Variants in CSPG5 observed in about 807,000 individuals in gnomAD.
The protein encoded by CSPG5 is acidic leucine-rich EGF-like domain-containing brain protein.
Under a neutral mutation model 39.8 loss-of-function variants are expected in CSPG5, and 25 were observed. The ratio of observed to expected loss-of-function variants is 0.63; its 90% CI spans 0.46 to 0.88. The LOEUF (loss-of-function observed/expected upper bound fraction) is 0.88, where lower values mean the gene tolerates loss of function less well. CSPG5 is among the 40% of genes least tolerant of loss of function. The probability of loss-of-function intolerance (pLI) is 0.00; values close to 1 mark genes in which losing one functional copy is unlikely to be tolerated. For missense variants in CSPG5, 627 were observed against 702.2 expected (o/e 0.89, Z 1.21); for synonymous variants, 295 against 303.9 (o/e 0.97, Z 0.31).
In CSPG5 at chr3:47,578,749, C is replaced by T; in HGVS notation, c.-56G>A. ...CGCCCGGCTGGCTGCGCCCTCGGCT[C>T]GCCCGGCCGCCGCGCCTCCCGCCGG... is the stretch of plus-strand genomic sequence containing the variant. On this transcript the variant is annotated 5_prime_UTR_variant, in exon 1 of 5. Transcript: ENST00000264723. This position sits in a 1 kb window ranked among gnomAD's most constrained non-coding sequence, Gnocchi z 6.0. The T allele has an allele frequency of 2.8e-6, 1 of 358,446 alleles. No individual in the cohort carries two copies. The highest frequency in any genetic ancestry group is 3.9e-6 in the Non-Finnish European group (1 of 258,960). 22.2% of individuals were successfully genotyped at this position (358,446 alleles called of 1,614,324 possible). A position where few individuals can be genotyped will look rare whatever the true frequency, so the allele number is the denominator to read the frequency against.
intron 2 of CSPG5, among the ~76,000 whole-genome samples, chr3:47,576,512 G>C (rs1337892614): frequency 6.6e-6 from 1 of 150,946 alleles, no homozygotes; most frequent in Non-Finnish European, 1.5e-5. Context: ...AGGCTGGAGG[G>C]CAGTGGCACG....
intron 4 of CSPG5, among the ~76,000 whole-genome samples, chr3:47,563,430 T>C (rs1157985442): frequency 6.6e-6 from 1 of 152,244 alleles, no homozygotes; most frequent in Admixed American, 6.5e-5. Context: ...CACATGATAT[T>C]CGTACTGCTG....
chr3:47,577,091 C>T lies in CSPG5; in HGVS notation c.935G>A (p.Gly312Glu). 1 of 1,613,798 alleles carries T rather than the reference C, an allele frequency of 6.2e-7. No individual in the cohort carries two copies. The highest frequency in any genetic ancestry group is 8.5e-7 in the Non-Finnish European group (1 of 1,180,024). ...VPTGKPGLGP[G>E]TGQPTSRWHA... Reference sequence around the variant, plus strand: ...CCACCGACTGGTGGGCTGGCCTGTCCCGGGCCCCAGACCAGGCTTCCCAGT... The same window carrying T: ...CCACCGACTGGTGGGCTGGCCTGTCTCGGGCCCCAGACCAGGCTTCCCAGT... Residue 312 changes from glycine (G) to glutamate (E), a missense_variant, in exon 2 of 5, where the codon GGG (glycine) becomes GAG (glutamate). Gly to Glu is a moderately conservative substitution (Grantham distance 98). Transcript: ENST00000264723. The surrounding 1 kb of genome is among the most constrained non-coding windows in gnomAD (Gnocchi z 4.7).
chr3:47,575,937 T>TC (rs1453886422), intron 2 of CSPG5, among the ~76,000 whole-genome samples: 1 of 137,768 alleles, frequency 7.3e-6, no homozygotes, highest in African/African-American at 3.0e-5. Flanking sequence ...GCCTTTTTTT[T>TC]TTTTTTTTTT....
At chr3:47,571,358 A>G (rs936350399) in intron 3 of CSPG5, among the ~76,000 whole-genome samples, 2 of 152,212 alleles carry the variant, frequency 1.3e-5, no homozygotes, top group African/African-American at 4.8e-5. Flanking sequence ...ACCTGGCCTC[A>G]GCTCTTGCTT....
In CSPG5 at chr3:47,578,060, G is replaced by A; in HGVS notation, c.98-132C>T. The A allele has an allele frequency of 1.6e-6, 2 of 1,262,760 alleles. No individual in the cohort carries two copies. Among genetic ancestry groups the A allele is most frequent in the Non-Finnish European group, 2.0e-6 (2 of 998,164 alleles). 78.2% of individuals were successfully genotyped at this position (1,262,760 alleles called of 1,614,324 possible). ...GACCTCGCCACCCTCAGACCCCACC[G>A]CCCCAGTGTGACCCCAGCCACCCGG... On this transcript the variant is annotated intron_variant, in intron 1 of 4. Coordinates refer to ENST00000264723, the MANE Select transcript of CSPG5 (RefSeq NM_006574.4). The surrounding 1 kb of genome is among the most constrained non-coding windows in gnomAD (Gnocchi z 6.0).
chr3:47,577,763 A>G lies in CSPG5; in HGVS notation c.263T>C (p.Val88Ala). Reference sequence around the variant, plus strand: ...GGTCACCGCAGCCGACTCCTGCAGCACCTCTTCTGGCCCGGCCAGCTCGCC... The same window carrying G: ...GGTCACCGCAGCCGACTCCTGCAGCGCCTCTTCTGGCCCGGCCAGCTCGCC... ...PGGELAGPEE[V>A]LQESAAVTGT... Residue 88 changes from valine to alanine, a missense_variant, in exon 2 of 5, where the codon GTG becomes GCG. Coordinates refer to ENST00000264723, the MANE Select transcript of CSPG5 (RefSeq NM_006574.4). The surrounding 1 kb of genome is among the most constrained non-coding windows in gnomAD (Gnocchi z 4.7). 6.3e-7 allele frequency: 1 copy of G among 1,589,370 alleles called. No homozygotes were observed. The highest frequency in any genetic ancestry group is 8.5e-7 in the Non-Finnish European group (1 of 1,174,442).
At chr3:47,569,101 G>C (rs768249322) in intron 4 of CSPG5, 51 bp downstream of exon 4, 3 of 1,566,958 alleles carry the variant, frequency 1.9e-6, no homozygotes, top group Admixed American at 2.0e-5. Flanking sequence ...AGTGAGCCAA[G>C]GCACGGGCAT....
chr3:47,572,576 G>T lies in CSPG5; in HGVS notation c.1382+110C>A. On this transcript the variant is annotated intron_variant, in intron 3 of 4. Coordinates refer to ENST00000264723, the MANE Select transcript of CSPG5 (RefSeq NM_006574.4). This position sits in a 1 kb window ranked among gnomAD's most constrained non-coding sequence, Gnocchi z 4.5. ...CAAAACAGCTGGGAATGGAGCACAG[G>T]TGCCAGAAACCCTCACGACAAAGTC... 1 of 902,560 alleles carries T rather than the reference G, an allele frequency of 1.1e-6. No homozygotes were observed. Among genetic ancestry groups the T allele is most frequent in the Non-Finnish European group, 1.8e-6 (1 of 567,462 alleles). The allele number at this position is 902,560 out of a possible 1,614,324, so 55.9% of individuals were successfully genotyped here.
upstream of CSPG5, chr3:47,578,935 C>T (rs1190437751): frequency 2.0e-5 from 3 of 151,646 alleles, no homozygotes; most frequent in African/African-American, 4.8e-5. The surrounding 1 kb of genome is among the most constrained non-coding windows in gnomAD (Gnocchi z 6.0). Context: ...CCGCGCCGGC[C>T]CCGCCGCACG....
chr3:47,567,750 A>C (rs1461163129), intron 4 of CSPG5, among the ~76,000 whole-genome samples: 1 of 152,118 alleles, frequency 6.6e-6, no homozygotes, highest in African/African-American at 2.4e-5. Context: ...GGTAGCTCAC[A>C]CCTGTAATCC....
At chr3:47,566,636 G>T (rs907038154) in intron 4 of CSPG5, among the ~76,000 whole-genome samples, 1 of 152,158 alleles carries the variant, frequency 6.6e-6, no homozygotes, top group African/African-American at 2.4e-5. Flanking sequence ...ACAAGCTGAC[G>T]GAAAGACACC....
At chr3:47,566,867 GATC>G (rs1447549918) in intron 4 of CSPG5, among the ~76,000 whole-genome samples, 3 of 152,060 alleles carry the variant, frequency 2.0e-5, no homozygotes, top group African/African-American at 7.2e-5. Flanking sequence ...CCCCATGCTA[GATC>G]ACCACTGCCT....
intron 2 of CSPG5, among the ~76,000 whole-genome samples, chr3:47,575,201 G>A (rs2031668780): frequency 6.6e-6 from 1 of 152,148 alleles, no homozygotes; most frequent in African/African-American, 2.4e-5. Context: ...TGAGGTGGGC[G>A]GATCACTTGA....
chr3:47,568,291 G>A lies in CSPG5; in HGVS notation c.1458+861C>T, dbSNP rs149168175. ...TGGATGTGGCATGATTTGAGATTTGGATATGGTTTCTGCCTTGTTTTTGAA... is the reference window on the plus strand; with the variant it reads ...TGGATGTGGCATGATTTGAGATTTGAATATGGTTTCTGCCTTGTTTTTGAA... On this transcript the variant is annotated intron_variant, in intron 4 of 4. Coordinates refer to ENST00000264723, the MANE Select transcript of CSPG5 (RefSeq NM_006574.4). Among the ~76,000 whole-genome samples, 102 of 152,302 alleles carry A rather than the reference G, an allele frequency of 6.7e-4. 1 individual carries two copies. The highest frequency in any genetic ancestry group is 1.1e-3 in the Non-Finnish European group (75 of 68,030).
intron 4 of CSPG5, among the ~76,000 whole-genome samples, chr3:47,563,599 G>A (rs2031177499): frequency 6.6e-6 from 1 of 152,128 alleles, no homozygotes; most frequent in East Asian, 1.9e-4. Flanking sequence ...CTGTCGCCCA[G>A]GCCAGAGTAC....
Position 47,562,524 on chromosome 3 carries a change from C to T in CSPG5, c.*76G>A. The T allele has an allele frequency of 7.6e-7, 1 of 1,323,742 alleles. No homozygotes were observed. The highest frequency in any genetic ancestry group is 1.0e-6 in the Non-Finnish European group (1 of 959,952). 82.0% of individuals were successfully genotyped at this position (1,323,742 alleles called of 1,614,324 possible). ...TTAACAAATGGTTACAAGAAATAGA[C>T]TCTGTACAAGAGGAGATAATGTTTC... On this transcript the variant is annotated 3_prime_UTR_variant, in exon 5 of 5. Transcript: ENST00000264723.
At chr3:47,566,978 C>T (rs1398047601) in intron 4 of CSPG5, among the ~76,000 whole-genome samples, 2 of 152,274 alleles carry the variant, frequency 1.3e-5, no homozygotes, top group African/African-American at 2.4e-5. Flanking sequence ...AACTAAGGGT[C>T]AGTGGCAGCG....
At position 47,562,335 on chromosome 3, in the gene CSPG5, C is replaced by G. The variant is rs1227698093; in HGVS notation, c.*265G>C. 3.2e-6 allele frequency: 1 copy of G among 308,822 alleles called. No homozygotes were observed. The highest frequency in any genetic ancestry group is 5.8e-6 in the Non-Finnish European group (1 of 171,182). 19.1% of individuals were successfully genotyped at this position (308,822 alleles called of 1,614,324 possible). On this transcript the variant is annotated 3_prime_UTR_variant, in exon 5 of 5. Transcript: ENST00000264723. Reference sequence around the variant, plus strand: ...CAAAAAAAAGTCAGTTGAATAACAGCACAGGTTTAGAAATCACAGCAGCAG... The same window carrying G: ...CAAAAAAAAGTCAGTTGAATAACAGGACAGGTTTAGAAATCACAGCAGCAG...
Sources: allele counts gnomAD v4.1 joint callset (sites outside exome capture counted in the v4.1 genomes callset), GRCh38; gene constraint gnomAD v4.1.1; non-coding constraint Gnocchi (gnomAD v3.1); transcripts MANE v1.5; gene names NCBI Gene and HGNC (gene_info 2026-07-23, HGNC 2026-07-21).